The following PDXDC1 variants were observed in gnomAD, a reference collection of about 807,000 sequenced individuals.
PDXDC1 encodes pyridoxal-dependent decarboxylase domain-containing protein 1.
In PDXDC1, 42 loss-of-function variants were observed where a neutral mutation model predicts 100.1. The ratio of observed to expected loss-of-function variants is 0.42; its 90% CI spans 0.33 to 0.54. The LOEUF (loss-of-function observed/expected upper bound fraction) is 0.54. Among genes scored for constraint, PDXDC1 ranks in the 20% least tolerant of loss-of-function variants. The pLI is 0.10. For synonymous variants in PDXDC1, 260 were observed against 371.7 expected (o/e 0.70, Z 3.46); for missense variants, 636 against 979.2 (o/e 0.65, Z 4.68).
chr16:15,051,798 T>C (rs1325627888), intron 16 of PDXDC1, among the ~76,000 whole-genome samples: 11 of 150,302 alleles, frequency 7.3e-5, no homozygotes. Flanking sequence ...ACTCCTGGGC[T>C]CAAGCAATCC....
intron 16 of PDXDC1, chr16:15,130,129 C>T (rs2047969963): frequency 7.4e-7 from 1 of 1,345,730 alleles, no homozygotes; most frequent in Admixed American, 2.0e-5. Context: ...GCTGTGCCTT[C>T]TCAGGATAGA....
chr16:15,151,826 G>C, the PDXDC1 span, among the ~76,000 whole-genome samples: 1 of 132,646 alleles, frequency 7.5e-6, no homozygotes, highest in Non-Finnish European at 1.7e-5. Flanking sequence ...AGCTACTCGG[G>C]AGGCTGAGGC....
intron 16 of PDXDC1, chr16:15,107,912 G>A: frequency 2.9e-6 from 3 of 1,039,240 alleles, no homozygotes; most frequent in Non-Finnish European, 2.3e-6. Flanking sequence ...CTGGAACTGA[G>A]ACCATCAGCC....
intron 1 of PDXDC1, among the ~76,000 whole-genome samples, chr16:14,978,922 C>T (rs924769930): frequency 2.0e-5 from 3 of 152,296 alleles, no homozygotes; most frequent in Admixed American, 1.3e-4. Context: ...TGGCAGCATG[C>T]TTAGCAGTGT....
rs943882006 is a variant in PDXDC1, at chr16:15,125,588, G to C, written c.1400-13291G>C. 1.2e-5 allele frequency: 17 copies of C among 1,447,308 alleles called. No homozygotes were observed. The South Asian group carries it at 1.7e-4, about 15-fold the overall frequency. The allele number at this position is 1,447,308 out of a possible 1,614,324, so 89.7% of individuals were successfully genotyped here. On this transcript the variant is annotated intron_variant, in intron 16 of 16. Transcript: ENST00000535621. Reference sequence around the variant, plus strand: ...TCCAGAAACAAGTCACTCTTCACCTGTCCAGCAAAGGCCTGCTGAGAGGTG... The same window carrying C: ...TCCAGAAACAAGTCACTCTTCACCTCTCCAGCAAAGGCCTGCTGAGAGGTG...
downstream of PDXDC1, chr16:15,040,017 C>T (rs200577362): frequency 7.4e-5 from 120 of 1,612,284 alleles, no homozygotes; most frequent in East Asian, 2.6e-3. Context: ...CCTCCGGACC[C>T]CGATCTTGAA....
At chr16:15,052,883 T>C (rs1014904755) in intron 16 of PDXDC1, among the ~76,000 whole-genome samples, 3 of 152,012 alleles carry the variant, frequency 2.0e-5, no homozygotes, top group Non-Finnish European at 4.4e-5. Flanking sequence ...GCTGCGAGCA[T>C]CTTGTAGACT....
chr16:15,130,866 G>A, intron 16 of PDXDC1: 2 of 724,442 alleles, frequency 2.8e-6, no homozygotes, highest in Non-Finnish European at 4.9e-6. Flanking sequence ...TGGCCCTCCT[G>A]AGCCCACCCT....
chr16:15,038,339 C>CTGAA, downstream of PDXDC1: 1 of 703,458 alleles, frequency 1.4e-6, no homozygotes, highest in East Asian at 2.8e-5. Context: ...ATGAGGTGGC[C>CTGAA]TGAATTAGTA....
intron 16 of PDXDC1, chr16:15,086,164 G>T (rs147815523): frequency 3.7e-6 from 6 of 1,607,102 alleles, no homozygotes; most frequent in South Asian, 1.1e-5. Context: ...GCTGAGACAC[G>T]GTCTGAGGAA....
At chr16:15,083,516 T>G (rs1429063890) in intron 16 of PDXDC1, 10 of 1,609,244 alleles carry the variant, frequency 6.2e-6, no homozygotes, top group Non-Finnish European at 8.5e-6. Flanking sequence ...TTCTTACCAG[T>G]GTTCTCTCTG....
chr16:15,117,401 C>T (rs2047270384), intron 16 of PDXDC1, among the ~76,000 whole-genome samples: 1 of 146,508 alleles, frequency 6.8e-6, no homozygotes, highest in Admixed American at 6.9e-5. Context: ...TGGCTCACGC[C>T]TGTAATCCCA....
chr16:15,075,250 CA>C (rs56913254), intron 16 of PDXDC1, among the ~76,000 whole-genome samples: 290 of 68,032 alleles, frequency 4.3e-3, no homozygotes, highest in African/African-American at 8.8e-3. Flanking sequence ...TGTGCCCCAC[CA>C]AAAAAAAAAA....
intron 16 of PDXDC1, among the ~76,000 whole-genome samples, chr16:15,050,770 G>A (rs547300832): frequency 1.6e-4 from 24 of 152,048 alleles, no homozygotes; most frequent in African/African-American, 5.5e-4. Flanking sequence ...AAGAAGAGAT[G>A]TAATAAACAT....
At chr16:15,012,882 T>C (rs1439585697) in intron 8 of PDXDC1, among the ~76,000 whole-genome samples, 40 of 151,730 alleles carry the variant, frequency 2.6e-4, no homozygotes, top group African/African-American at 8.9e-4. Context: ...CTTTAAAATA[T>C]AATGTCAGGC....
At chr16:15,144,672 G>A in the PDXDC1 span, among the ~76,000 whole-genome samples, 3 of 152,188 alleles carry the variant, frequency 2.0e-5, no homozygotes, top group East Asian at 1.9e-4. Flanking sequence ...ATGAGACGCC[G>A]GGGGTGACAT....
chr16:15,146,786 C>T, the PDXDC1 span, among the ~76,000 whole-genome samples: 1 of 151,974 alleles, frequency 6.6e-6, no homozygotes, highest in Non-Finnish European at 1.5e-5. Flanking sequence ...CCCCCGGAAC[C>T]CCTGAGGGAA....
chr16:15,095,141 C>T (rs931040158), intron 16 of PDXDC1, among the ~76,000 whole-genome samples: 7 of 151,948 alleles, frequency 4.6e-5, no homozygotes, highest in African/African-American at 1.7e-4. Flanking sequence ...CCCGGCCAAA[C>T]TTAAATTTTT....
At chr16:15,042,277 C>T (rs2043852518), downstream of PDXDC1, among the ~76,000 whole-genome samples, 1 of 151,470 alleles carries the variant, frequency 6.6e-6, no homozygotes, top group Non-Finnish European at 1.5e-5. Flanking sequence ...TCTCCACCTC[C>T]CAGGTTCAAG....
Sources: allele counts gnomAD v4.1 joint callset (sites outside exome capture counted in the v4.1 genomes callset), GRCh38; gene constraint gnomAD v4.1.1; transcripts MANE v1.5; gene names NCBI Gene and HGNC (gene_info 2026-07-23, HGNC 2026-07-21).